Variants in LINGO2 observed in about 807,000 individuals in gnomAD.
LINGO2 encodes the protein leucine rich repeat and Ig domain containing 2.
A neutral mutation model predicts 30.6 loss-of-function variants in LINGO2; 14 were observed. That is an observed-to-expected ratio of 0.46 (90% CI 0.30 to 0.72). The LOEUF (loss-of-function observed/expected upper bound fraction) is 0.72, where lower values mean the gene tolerates loss of function less well. Ranked by LOEUF, LINGO2 falls within the 30% of genes least tolerant of loss-of-function variation. LINGO2 has a pLI of 0.07. For synonymous variants in LINGO2, 317 were observed against 288.5 expected (o/e 1.10, Z -1.00); for missense variants, 729 against 751.7 (o/e 0.97, Z 0.35).
rs565144249 is a variant in LINGO2 at position 28,385,160 on chromosome 9, T to C, written c.-278-12292A>G. ...GATGCATTGAAGACTTCTAAGAATA[T>C]GTTTTTATGGCCAATCTTAAAAGAA... is the stretch of plus-strand genomic sequence containing the variant. On this transcript the variant is annotated intron_variant, in intron 2 of 5. Transcript: ENST00000379992. Among the ~76,000 whole-genome samples, 3 of 152,294 alleles carry C rather than the reference T, an allele frequency of 2.0e-5. No homozygotes were observed. The South Asian group carries it at 6.2e-4, about 32-fold the overall frequency.
the LINGO2 span, among the ~76,000 whole-genome samples, chr9:29,024,538 A>C: frequency 1.3e-5 from 2 of 152,124 alleles, no homozygotes; most frequent in African/African-American, 4.8e-5. Context: ...TTCCTCATGT[A>C]CTTTTCAATA....
the LINGO2 span, among the ~76,000 whole-genome samples, chr9:28,854,069 T>C: frequency 6.6e-6 from 1 of 151,938 alleles, no homozygotes; most frequent in African/African-American, 2.4e-5. Flanking sequence ...GAGACATTTT[T>C]GGGTGTCACA....
intron 4 of LINGO2, among the ~76,000 whole-genome samples, chr9:28,046,899 C>A (rs920205320): frequency 2.6e-5 from 4 of 152,094 alleles, no homozygotes; most frequent in African/African-American, 9.7e-5. Context: ...GATTTCACTA[C>A]TTTAAAGAAA....
At chr9:28,162,778 T>A (rs2133606935) in intron 4 of LINGO2, among the ~76,000 whole-genome samples, 2 of 152,252 alleles carry the variant, frequency 1.3e-5, no homozygotes, top group Middle Eastern at 6.8e-3. Flanking sequence ...CTGTAGAAGT[T>A]ATCACTTACA....
intron 4 of LINGO2, among the ~76,000 whole-genome samples, chr9:28,101,322 T>C (rs1338734650): frequency 6.6e-6 from 1 of 152,076 alleles, no homozygotes; most frequent in Non-Finnish European, 1.5e-5. Flanking sequence ...GTCCTGAGTT[T>C]GCTAAAGGCT....
At chr9:28,098,368 T>A (rs966426604) in intron 4 of LINGO2, among the ~76,000 whole-genome samples, 4 of 152,016 alleles carry the variant, frequency 2.6e-5, no homozygotes, top group Non-Finnish European at 5.9e-5. Flanking sequence ...GAATTTTACG[T>A]TTTAATGGGT....
At chr9:28,838,655 A>C in the LINGO2 span, among the ~76,000 whole-genome samples, 1 of 151,932 alleles carries the variant, frequency 6.6e-6, no homozygotes, top group Admixed American at 6.6e-5. Context: ...ATATTCTCCT[A>C]TATATTACAG....
At chr9:28,495,155 C>T (rs1005340310) in intron 1 of LINGO2, among the ~76,000 whole-genome samples, 3 of 149,996 alleles carry the variant, frequency 2.0e-5, no homozygotes, top group Non-Finnish European at 4.4e-5. Context: ...ATTTTTTTCC[C>T]ATTCTGTAGG....
intron 2 of LINGO2, among the ~76,000 whole-genome samples, chr9:28,465,660 A>T (rs1825271911): frequency 2.0e-5 from 3 of 152,184 alleles, no homozygotes; most frequent in African/African-American, 7.2e-5. Flanking sequence ...ACCAATCAAG[A>T]AATTGAAGAG....
intron 1 of LINGO2, among the ~76,000 whole-genome samples, chr9:28,581,714 A>G (rs1310931223): frequency 2.6e-5 from 4 of 151,866 alleles, no homozygotes; most frequent in South Asian, 4.2e-4. Context: ...GAATGCATCT[A>G]TTCTGCTGAG....
chr9:28,131,197 G>A (rs1827369747), intron 4 of LINGO2, among the ~76,000 whole-genome samples: 1 of 151,182 alleles, frequency 6.6e-6, no homozygotes, highest in Non-Finnish European at 1.5e-5. Flanking sequence ...AGTGATTAGT[G>A]ATGTCTAACA....
chr9:28,674,459 T>G (rs1829143697), upstream of LINGO2, among the ~76,000 whole-genome samples: 1 of 152,154 alleles, frequency 6.6e-6, no homozygotes. Context: ...GTAGAAATAG[T>G]CTGTTGTTAT....
chr9:29,021,285 T>C, the LINGO2 span, among the ~76,000 whole-genome samples: 5 of 152,314 alleles, frequency 3.3e-5, 1 homozygote, highest in Admixed American at 2.6e-4. Flanking sequence ...GGTATTTGAA[T>C]GCGTCTGTGC....
At chr9:28,451,111 G>A (rs16913091) in intron 2 of LINGO2, among the ~76,000 whole-genome samples, 3,338 of 151,924 alleles carry the variant, frequency 0.022, 108 homozygotes, top group East Asian at 0.1. Flanking sequence ...CAAAAATACA[G>A]TTCCATATAA....
rs180837918 is a variant in LINGO2, at chr9:28,148,866, T to C, written c.-86-136461A>G. On this transcript the variant is annotated intron_variant, in intron 4 of 5. Coordinates refer to ENST00000379992, the Ensembl canonical transcript of LINGO2. The surrounding 1 kb of genome is among the most constrained non-coding windows in gnomAD (Gnocchi z 5.1). ...CTGCCCAGCTCTCCAGGCTTGCTGA[T>C]GGTGGGGGAGGACATGCAGCCCAAG... 2.0e-6 allele frequency: 3 copies of C among 1,533,412 alleles called. No homozygotes were observed. The highest frequency in any genetic ancestry group is 2.6e-6 in the Non-Finnish European group (3 of 1,146,378). The allele number at this position is 1,533,412 out of a possible 1,614,324, so 95.0% of individuals were successfully genotyped here.
intron 1 of LINGO2, among the ~76,000 whole-genome samples, chr9:28,542,612 C>CT (rs956681005): frequency 4.0e-5 from 6 of 151,874 alleles, no homozygotes; most frequent in Admixed American, 2.6e-4. Flanking sequence ...AATTTAAGTT[C>CT]TTTTTTTTAA....
intron 5 of LINGO2, among the ~76,000 whole-genome samples, chr9:27,987,574 G>A (rs1821184347): frequency 6.6e-6 from 1 of 151,890 alleles, no homozygotes; most frequent in Non-Finnish European, 1.5e-5. Flanking sequence ...TTGGTTTGAA[G>A]ACGTTAGCTT....
chr9:28,788,889 T>A, the LINGO2 span, among the ~76,000 whole-genome samples: 1 of 152,138 alleles, frequency 6.6e-6, no homozygotes, highest in Non-Finnish European at 1.5e-5. Context: ...CCTAAGCATA[T>A]CAACAAGTAC....
chr9:28,009,338 A>G (rs1242898314), intron 5 of LINGO2, among the ~76,000 whole-genome samples: 1 of 136,702 alleles, frequency 7.3e-6, no homozygotes, highest in Admixed American at 8.1e-5. Flanking sequence ...TTCTTACAGT[A>G]TCAAAAGCAC....
Sources: allele counts gnomAD v4.1 joint callset (sites outside exome capture counted in the v4.1 genomes callset), GRCh38; gene constraint gnomAD v4.1.1; non-coding constraint Gnocchi (gnomAD v3.1); transcripts MANE v1.5; gene names NCBI Gene and HGNC (gene_info 2026-07-23, HGNC 2026-07-21).